Variants in KDM5A observed in about 807,000 individuals in gnomAD.
The protein encoded by KDM5A is lysine-specific demethylase 5A.
KDM5A carries 42 observed loss-of-function variants against 193.5 expected under a neutral mutation model. The observed-to-expected ratio is 0.22, with a 90% confidence interval of 0.17 to 0.28. KDM5A has a LOEUF of 0.28. Ranked by LOEUF, KDM5A falls within the 10% of genes least tolerant of loss-of-function variation. The pLI is 1.00. For synonymous variants in KDM5A, 796 were observed against 718.1 expected (o/e 1.11, Z -1.73); for missense variants, 1,692 against 2,055.1 (o/e 0.82, Z 3.42).
Position 366,162 on chromosome 12 carries a change from T to C in KDM5A, c.367-58A>G. ...AAGGCAAATTCAAGCATCTTGACTC[T>C]TAAGTCTTGTCTACTAAATAGAAAA... On this transcript the variant is annotated intron_variant, in intron 3 of 27. Transcript: ENST00000399788. The C allele has an allele frequency of 5.5e-6, 8 of 1,467,692 alleles. No individual in the cohort carries two copies. In the South Asian group the frequency reaches 9.3e-5, roughly 17 times the overall value. The allele number at this position is 1,467,692 out of a possible 1,614,324, so 90.9% of individuals were successfully genotyped here.
At chr12:350,230 A>T (rs1472642125) in intron 10 of KDM5A, among the ~76,000 whole-genome samples, 1 of 152,160 alleles carries the variant, frequency 6.6e-6, no homozygotes, top group East Asian at 1.9e-4. Flanking sequence ...TGAGGTCAGG[A>T]GTTCAAGACC....
intron 10 of KDM5A, among the ~76,000 whole-genome samples, chr12:336,137 T>C (rs148932773): frequency 0.011 from 1,632 of 149,504 alleles, 14 homozygotes; most frequent in Middle Eastern, 0.029. Context: ...GGCAGGCAGA[T>C]GACTTCAGCC....
chr12:318,046 T>C lies in KDM5A; in HGVS notation c.2897+60A>G, dbSNP rs1371054790. ...ATGAAATAAGCTTTTAAGTTCCTTC[T>C]TCCCACTCTACCTTCTGACTTAGTT... On this transcript the variant is annotated intron_variant, in intron 19 of 27. Coordinates refer to ENST00000399788, the MANE Select transcript of KDM5A (RefSeq NM_001042603.3). 3.2e-6 allele frequency: 4 copies of C among 1,263,780 alleles called. No homozygotes were observed. In the Admixed American group the frequency reaches 6.9e-5, roughly 22 times the overall value. The allele number at this position is 1,263,780 out of a possible 1,614,324, so 78.3% of individuals were successfully genotyped here.
chr12:323,254 A>G, intron 15 of KDM5A, 48 bp from the exon 16 acceptor site: 6 of 1,494,390 alleles, frequency 4.0e-6, no homozygotes, highest in Non-Finnish European at 1.8e-6. Flanking sequence ...ACAGAAATAA[A>G]AACCTCAAAA....
intron 10 of KDM5A, among the ~76,000 whole-genome samples, chr12:338,613 G>A (rs1943962353): frequency 6.6e-6 from 1 of 152,152 alleles, no homozygotes; most frequent in Admixed American, 6.6e-5. Flanking sequence ...TGGTCTTGGA[G>A]ACAGCCAATA....
chr12:336,273 C>A (rs988681828), intron 10 of KDM5A, among the ~76,000 whole-genome samples: 2 of 150,676 alleles, frequency 1.3e-5, no homozygotes, highest in Admixed American at 6.6e-5. Flanking sequence ...GTGGGAGGAT[C>A]CCGTGAGCCC....
chr12:296,321 TC>T (rs1271421168), intron 25 of KDM5A, among the ~76,000 whole-genome samples: 1 of 100,206 alleles, frequency 1.0e-5, no homozygotes, highest in Non-Finnish European at 2.1e-5. Flanking sequence ...AAACTCCATC[TC>T]AAAAAAAAAA....
intron 14 of KDM5A, among the ~76,000 whole-genome samples, chr12:324,830 G>A (rs929177970): frequency 3.3e-5 from 5 of 151,216 alleles, no homozygotes; most frequent in African/African-American, 7.3e-5. Context: ...CTGAGATCAC[G>A]CCACTGCACT....
rs566453435 is a variant in KDM5A, at chr12:325,866, T to C, written c.1969-2085A>G. 4.6e-5 allele frequency among the ~76,000 whole-genome samples: 7 copies of C among 151,956 alleles called. No homozygotes were observed. In the South Asian group the frequency reaches 1.5e-3, roughly 32 times the overall value. ...CTGTCTCCACTAAAAACACAAAAAT[T>C]AGCTGGGCAAGGTGGTGAACGCCTG... On this transcript the variant is annotated intron_variant, in intron 14 of 27. Transcript: ENST00000399788.
chr12:297,853 T>C (rs569471651), intron 24 of KDM5A, among the ~76,000 whole-genome samples: 20 of 152,160 alleles, frequency 1.3e-4, no homozygotes, highest in South Asian at 6.2e-4. Flanking sequence ...TGCATCTCCT[T>C]ATTGGACTGA....
intron 24 of KDM5A, among the ~76,000 whole-genome samples, chr12:306,356 G>A (rs889880527): frequency 6.6e-6 from 1 of 152,146 alleles, no homozygotes; most frequent in African/African-American, 2.4e-5. Context: ...AATTGGCCAA[G>A]AAAGCTTTAC....
Position 305,887 on chromosome 12 carries a change from A to G in KDM5A, c.4074+1059T>C, listed in dbSNP as rs575955421. On this transcript the variant is annotated intron_variant, in intron 24 of 27. Coordinates refer to ENST00000399788, the MANE Select transcript of KDM5A (RefSeq NM_001042603.3). ...AAATTCTAACCTGGGCCCAAGTATT[A>G]TATTACCCATCTCCGAATGTGACAT... Among the ~76,000 whole-genome samples, 99 of 151,586 alleles carry G rather than the reference A, an allele frequency of 6.5e-4. 1 individual carries two copies. Among genetic ancestry groups the G allele is most frequent in the African/African-American group, 2.3e-3 (96 of 41,270 alleles).
intron 22 of KDM5A, among the ~76,000 whole-genome samples, chr12:309,585 C>A (rs1943554968): frequency 6.6e-6 from 1 of 152,090 alleles, no homozygotes; most frequent in South Asian, 2.1e-4. Flanking sequence ...CAATAAAGAA[C>A]AGAGGTATGG....
intron 10 of KDM5A, among the ~76,000 whole-genome samples, chr12:342,632 G>GT (rs1334479012): frequency 6.6e-6 from 1 of 151,684 alleles, no homozygotes; most frequent in Non-Finnish European, 1.5e-5. Flanking sequence ...GCTAATTTTT[G>GT]TATTTTTTTA....
In KDM5A at chr12:293,088, C is replaced by T. The variant is rs1565523476; in HGVS notation, c.4537G>A (p.Val1513Ile). Residue 1513 changes from valine (V) to isoleucine (I), a missense_variant, in exon 27 of 28, where the codon GTA becomes ATA. Val to Ile is a conservative substitution (Grantham distance 29). Transcript: ENST00000399788. ...EKKRKRKLEK[V>I]EQLFGEGKQK... The stretch of plus-strand genomic sequence containing the variant: ...TTTCCTTCTCCAAAAAGTTGCTCTA[C>T]CTTTTCTAGCTTCCGTTTCCGTTTC... 1.9e-6 allele frequency: 3 copies of T among 1,594,284 alleles called. No individual in the cohort carries two copies. The South Asian group carries it at 3.5e-5, about 18-fold the overall frequency.
chr12:296,973 AT>A, intron 25 of KDM5A, 67 bp downstream of exon 25: 2 of 1,500,608 alleles, frequency 1.3e-6, no homozygotes, highest in Non-Finnish European at 1.8e-6. Flanking sequence ...CACAGTCTTG[AT>A]TAACATAATG....
chr12:337,041 G>C (rs568820562), intron 10 of KDM5A, among the ~76,000 whole-genome samples: 4 of 152,134 alleles, frequency 2.6e-5, no homozygotes. Flanking sequence ...GAAGGTGACC[G>C]GATCATGTGG....
intron 19 of KDM5A, among the ~76,000 whole-genome samples, chr12:317,601 T>C (rs1261259966): frequency 6.6e-6 from 1 of 152,234 alleles, no homozygotes; most frequent in Admixed American, 6.5e-5. Context: ...GTAGCCCCAT[T>C]TGATAACTTA....
chr12:354,925 T>C (rs1944212484), intron 7 of KDM5A, among the ~76,000 whole-genome samples: 1 of 152,128 alleles, frequency 6.6e-6, no homozygotes, highest in African/African-American at 2.4e-5. Flanking sequence ...CAGATTCATT[T>C]TCATGCTCTC....
Sources: gnomAD v4.1 joint callset for allele counts (sites outside exome capture counted in the v4.1 genomes callset) on GRCh38, gnomAD v4.1.1 for gene constraint, MANE v1.5 for transcripts, NCBI Gene and HGNC (gene_info 2026-07-23, HGNC 2026-07-21) for gene names.